The following GPC6 variants were observed in gnomAD, a reference collection of about 807,000 sequenced individuals.
GPC6 encodes the protein glypican 6, also known as glypican-6.
A neutral mutation model predicts 55.2 loss-of-function variants in GPC6; 14 were observed. The ratio of observed to expected loss-of-function variants is 0.25; its 90% CI spans 0.17 to 0.40. The LOEUF (loss-of-function observed/expected upper bound fraction) is 0.40, where lower values mean the gene tolerates loss of function less well. Ranked by LOEUF, GPC6 falls within the 10% of genes least tolerant of loss-of-function variation. GPC6 has a pLI of 1.00. For synonymous variants in GPC6, 278 were observed against 259.6 expected, an observed-to-expected ratio of 1.07 and a Z score of -0.68; for missense variants, 641 against 708.5, an observed-to-expected ratio of 0.90 and a Z score of 1.08.
chr13:93,592,819 A>C (rs1341651356), intron 2 of GPC6, among the ~76,000 whole-genome samples: 1 of 152,132 alleles, frequency 6.6e-6, no homozygotes, highest in East Asian at 1.9e-4. Context: ...TTGAAGTCAA[A>C]TATTGTTCCA....
chr13:94,075,695 A>G (rs1358259673), intron 4 of GPC6, among the ~76,000 whole-genome samples: 1 of 152,134 alleles, frequency 6.6e-6, no homozygotes, highest in Non-Finnish European at 1.5e-5. Context: ...ACCTCCTATA[A>G]GTGGAATGAT....
At chr13:94,271,355 T>TACACAC (rs200714304) in intron 4 of GPC6, among the ~76,000 whole-genome samples, 2 of 128,260 alleles carry the variant, frequency 1.6e-5, no homozygotes, top group East Asian at 4.5e-4. Flanking sequence ...ACTTGTTAAA[T>TACACAC]ACACACACAC....
chr13:93,239,144 G>A (rs1229526137), intron 1 of GPC6, among the ~76,000 whole-genome samples: 2 of 151,914 alleles, frequency 1.3e-5, no homozygotes, highest in East Asian at 1.9e-4. Flanking sequence ...TTTTGAAATA[G>A]TTTTGGTAGG....
chr13:94,359,662 C>CT (rs35484045), intron 6 of GPC6, among the ~76,000 whole-genome samples: 8,304 of 146,688 alleles, frequency 0.057, 709 homozygotes, highest in African/African-American at 0.19. Context: ...TTGCTGAGAC[C>CT]TTTTTTTTTT....
intron 1 of GPC6, among the ~76,000 whole-genome samples, chr13:93,339,435 T>C (rs927908500): frequency 1.3e-5 from 2 of 151,774 alleles, no homozygotes; most frequent in East Asian, 3.9e-4. Context: ...TTATTATCTT[T>C]CCCCTGAGTA....
intron 2 of GPC6, among the ~76,000 whole-genome samples, chr13:93,590,750 T>C (rs905219815): frequency 2.0e-5 from 3 of 152,182 alleles, no homozygotes; most frequent in African/African-American, 7.2e-5. Context: ...ATCTTCTTTG[T>C]TAAATATAGC....
intron 3 of GPC6, among the ~76,000 whole-genome samples, chr13:93,847,460 G>T (rs565010156): frequency 6.6e-6 from 1 of 152,114 alleles, no homozygotes; most frequent in Admixed American, 6.6e-5. Flanking sequence ...AGATTTGAGG[G>T]TGTTTCACAA....
At chr13:94,375,710 C>G (rs1879817028) in intron 6 of GPC6, among the ~76,000 whole-genome samples, 2 of 130,916 alleles carry the variant, frequency 1.5e-5, no homozygotes, top group African/African-American at 5.8e-5. Flanking sequence ...AGGCCAGCAT[C>G]ATTCTGATAC....
At chr13:93,526,047 A>T (rs888545523) in intron 1 of GPC6, among the ~76,000 whole-genome samples, 1 of 152,062 alleles carries the variant, frequency 6.6e-6, no homozygotes, top group Non-Finnish European at 1.5e-5. Context: ...ATATCTTGCC[A>T]TGAATTATAT....
At chr13:94,018,873 C>A (rs930037889) in intron 3 of GPC6, among the ~76,000 whole-genome samples, 15 of 152,148 alleles carry the variant, frequency 9.9e-5, no homozygotes, top group Non-Finnish European at 1.3e-4. Context: ...AGGTTGCATG[C>A]TCCTTATGAG....
intron 2 of GPC6, among the ~76,000 whole-genome samples, chr13:93,581,086 T>G (rs2139488745): frequency 6.6e-6 from 1 of 152,270 alleles, no homozygotes; most frequent in Admixed American, 6.5e-5. Flanking sequence ...TTTTTAAAGT[T>G]TTCACTTCTA....
chr13:93,958,682 T>C (rs1879623911), intron 3 of GPC6, among the ~76,000 whole-genome samples: 1 of 152,172 alleles, frequency 6.6e-6, no homozygotes, highest in Non-Finnish European at 1.5e-5. Context: ...ATTTGGGCTC[T>C]TTTTTGGTTC....
intron 3 of GPC6, among the ~76,000 whole-genome samples, chr13:93,980,079 G>A (rs1462861819): frequency 3.9e-5 from 6 of 151,978 alleles, no homozygotes; most frequent in Non-Finnish European, 5.9e-5. Flanking sequence ...GAGATCTTAC[G>A]ATTCCCTCCC....
chr13:94,137,732 G>A (rs1487808796), intron 4 of GPC6, among the ~76,000 whole-genome samples: 2 of 152,068 alleles, frequency 1.3e-5, no homozygotes, highest in Non-Finnish European at 2.9e-5. Context: ...CCTTAACTTA[G>A]AAATGGCTAC....
chr13:93,609,301 G>C (rs1490260195), intron 2 of GPC6, among the ~76,000 whole-genome samples: 1 of 152,094 alleles, frequency 6.6e-6, no homozygotes, highest in East Asian at 1.9e-4. Flanking sequence ...TGCAACCTCC[G>C]CCTCCCAGGC....
intron 3 of GPC6, among the ~76,000 whole-genome samples, chr13:93,886,420 T>C (rs1016860610): frequency 6.6e-6 from 1 of 152,030 alleles, no homozygotes; most frequent in African/African-American, 2.4e-5. Flanking sequence ...CAGATTCTAA[T>C]GGCTGTTTCC....
intron 4 of GPC6, among the ~76,000 whole-genome samples, chr13:94,168,693 T>TTATATATTTATAAATATATATAAAA (rs1888454169): frequency 6.8e-6 from 1 of 148,120 alleles, no homozygotes. Flanking sequence ...GTATATGCAT[T>TTATATATTTATAAATATATATAAAA]TATATATTTA....
chr13:93,697,202 G>T (rs1274954929), intron 2 of GPC6, among the ~76,000 whole-genome samples: 61 of 152,002 alleles, frequency 4.0e-4, no homozygotes, highest in Non-Finnish European at 2.9e-5. Flanking sequence ...TTCACCCATT[G>T]CCTTTTCTCT....
intron 4 of GPC6, among the ~76,000 whole-genome samples, chr13:94,049,012 G>A (rs113878908): frequency 0.022 from 3,320 of 152,098 alleles, 136 homozygotes; most frequent in African/African-American, 0.076. Flanking sequence ...GGAGGCTGAG[G>A]CAGGAGGATC....
Sources: allele counts gnomAD v4.1 joint callset (sites outside exome capture counted in the v4.1 genomes callset), GRCh38; gene constraint gnomAD v4.1.1; transcripts MANE v1.5; gene names NCBI Gene and HGNC (gene_info 2026-07-23, HGNC 2026-07-21).